The following ATAD1 variants were observed in gnomAD, a reference collection of about 807,000 sequenced individuals.
The protein encoded by ATAD1 is ATPase family AAA domain containing 1, also known as outer mitochondrial transmembrane helix translocase.
In ATAD1, 18 loss-of-function variants were observed where a neutral mutation model predicts 42.7. The ratio of observed to expected loss-of-function variants is 0.42; its 90% CI spans 0.29 to 0.63. The LOEUF (loss-of-function observed/expected upper bound fraction) is 0.63, where lower values mean the gene tolerates loss of function less well. Ranked by LOEUF, ATAD1 falls within the 20% of genes least tolerant of loss-of-function variation. ATAD1 has a pLI of 0.19. For missense variants in ATAD1, 294 were observed against 440.4 expected (o/e 0.67, Z 2.98); for synonymous variants, 132 against 143.1 (o/e 0.92, Z 0.55).
At position 87,756,837 on chromosome 10, in the gene ATAD1, GC is replaced by G; in HGVS notation, c.916del (p.Ala306LeufsTer38). ...ATATTCTCTAACACAGAGGAGGGCA[GC>G]ATCTCGACACATCTCTTTTAGGTCA... Reference protein sequence around the residue: ...GSDLKEMCRDAALLCVREYVN... With the variant: ...GSDLKEMCRDXALLCVREYVN... On this transcript the variant is annotated frameshift_variant, in exon 9 of 10. Coordinates refer to ENST00000680024, the MANE Select transcript of ATAD1 (RefSeq NM_001321967.2). LOFTEE classifies it high-confidence loss of function. 6.2e-7 allele frequency: 1 copy of G among 1,612,568 alleles called. No homozygotes were observed. The highest frequency in any genetic ancestry group is 8.5e-7 in the Non-Finnish European group (1 of 1,179,282).
chr10:87,800,633 G>T (rs947713690), intron 2 of ATAD1, among the ~76,000 whole-genome samples: 1 of 151,994 alleles, frequency 6.6e-6, no homozygotes, highest in African/African-American at 2.4e-5. Context: ...TTTAATTAAG[G>T]TTATTAACAT....
intron 1 of ATAD1, among the ~76,000 whole-genome samples, chr10:87,825,879 T>C (rs1165252826): frequency 6.6e-6 from 1 of 151,902 alleles, no homozygotes; most frequent in Non-Finnish European, 1.5e-5. Context: ...GTACAACACA[T>C]TTTTTTGTTT....
rs75124599 is a variant in ATAD1, at chr10:87,799,394, C to T, written c.163-6639G>A. Among the ~76,000 whole-genome samples, 531 of 152,312 alleles carry T rather than the reference C, an allele frequency of 3.5e-3. 1 individual carries two copies. Among genetic ancestry groups the T allele is most frequent in the African/African-American group, 0.012 (510 of 41,568 alleles). ...TAGTAAGATTATCATAACTTCTAAT[C>T]TTGTGGCTTTAGGCAGTCTAGACCA... On this transcript the variant is annotated intron_variant, in intron 2 of 9. Coordinates refer to ENST00000680024, the MANE Select transcript of ATAD1 (RefSeq NM_001321967.2).
rs1232486996 is a variant in ATAD1, at chr10:87,752,005, A to G, written c.*2682T>C. ...GCTTGAGACATCCTCATCTAGCATTAAACCTGTAAGTTACAGCTACTAAAT... is the reference window on the plus strand; with the variant it reads ...GCTTGAGACATCCTCATCTAGCATTGAACCTGTAAGTTACAGCTACTAAAT... On this transcript the variant is annotated 3_prime_UTR_variant, in exon 10 of 10. Coordinates refer to ENST00000680024, the MANE Select transcript of ATAD1 (RefSeq NM_001321967.2). 1 of 152,172 alleles carries G rather than the reference A, an allele frequency of 6.6e-6. No individual in the cohort carries two copies. Among genetic ancestry groups the G allele is most frequent in the African/African-American group, 2.4e-5 (1 of 41,442 alleles). 9.4% of individuals were successfully genotyped at this position (152,172 alleles called of 1,614,324 possible).
chr10:87,772,109 TGTTA>T (rs1855063837), intron 6 of ATAD1, among the ~76,000 whole-genome samples: 1 of 152,184 alleles, frequency 6.6e-6, no homozygotes, highest in East Asian at 1.9e-4. Context: ...ATTTGAAAAA[TGTTA>T]GTTCCACAAC....
chr10:87,818,639 A>G, upstream of ATAD1: 1 of 152,342 alleles, frequency 6.6e-6, no homozygotes, highest in Non-Finnish European at 1.5e-5. Flanking sequence ...TCTGTACTTT[A>G]GCCAAAACGC....
chr10:87,784,552 A>G lies in ATAD1; in HGVS notation c.501T>C (p.Tyr167=), dbSNP rs1445302588. 1.2e-6 allele frequency: 2 copies of G among 1,613,844 alleles called. No individual in the cohort carries two copies. Among genetic ancestry groups the G allele is most frequent in the East Asian group, 4.5e-5 (2 of 44,860 alleles). The change falls in exon 5 of 10, where the codon TAT becomes TAC. Residue 167 remains tyrosine, a synonymous_variant. Coordinates refer to ENST00000680024, the MANE Select transcript of ATAD1 (RefSeq NM_001321967.2). ...CAGCAGCCAATTTCTGAGATTCTCC[A>G]TACCACTTATCGGTCAGTGTCGAAG... ...LQPSTLTDKW[Y]GESQKLAAAV...
rs574174969 is a variant in ATAD1, at chr10:87,752,723, A to T, written c.*1964T>A. The T allele has an allele frequency of 1.3e-5, 2 of 152,288 alleles. No homozygotes were observed. Among genetic ancestry groups the T allele is most frequent in the Non-Finnish European group, 1.5e-5 (1 of 68,022 alleles). 9.4% of individuals were successfully genotyped at this position (152,288 alleles called of 1,614,324 possible). ...CTAAAAGTTATTTAAAAATCAGGAA[A>T]ATAGTTTCCTGAATTACTTTATGGT... On this transcript the variant is annotated 3_prime_UTR_variant, in exon 10 of 10. Coordinates refer to ENST00000680024, the MANE Select transcript of ATAD1 (RefSeq NM_001321967.2).
At chr10:87,762,414 A>G (rs1488899731) in intron 8 of ATAD1, among the ~76,000 whole-genome samples, 1 of 151,976 alleles carries the variant, frequency 6.6e-6, no homozygotes, top group Admixed American at 6.6e-5. Context: ...ACTGGTGTCT[A>G]TCACTGTTAA....
At chr10:87,804,523 C>T (rs1464458999) in intron 2 of ATAD1, among the ~76,000 whole-genome samples, 1 of 152,064 alleles carries the variant, frequency 6.6e-6, no homozygotes, top group East Asian at 1.9e-4. Context: ...GCACCCATTA[C>T]CATGTCCACC....
At chr10:87,831,130 T>C (rs1303905231) in intron 1 of ATAD1, among the ~76,000 whole-genome samples, 1 of 152,208 alleles carries the variant, frequency 6.6e-6, no homozygotes, top group Admixed American at 6.5e-5. Context: ...ATTATAGAGT[T>C]GGGGAGAGGA....
At chr10:87,789,523 C>G (rs929101183) in intron 4 of ATAD1, among the ~76,000 whole-genome samples, 1 of 152,080 alleles carries the variant, frequency 6.6e-6, no homozygotes, top group African/African-American at 2.4e-5. Flanking sequence ...GAGTTCAAGA[C>G]CAGCCTGAGC....
intron 1 of ATAD1, 187 bp from the exon 2 acceptor site, chr10:87,814,799 T>G: frequency 2.8e-6 from 1 of 362,310 alleles, no homozygotes; most frequent in Non-Finnish European, 4.8e-6. Context: ...ACAAATACAT[T>G]TAAAGCTCCT....
intron 4 of ATAD1, among the ~76,000 whole-genome samples, chr10:87,787,395 G>A (rs1157212248): frequency 6.6e-6 from 1 of 152,156 alleles, no homozygotes; most frequent in Non-Finnish European, 1.5e-5. Flanking sequence ...TGAGGCAGGA[G>A]GATAACGAGC....
intron 7 of ATAD1, 89 bp from the exon 8 acceptor site, chr10:87,767,812 A>G: frequency 7.7e-7 from 1 of 1,293,594 alleles, no homozygotes; most frequent in South Asian, 1.3e-5. Flanking sequence ...GTCCCTTCTA[A>G]AGTCTCTCTC....
intron 5 of ATAD1, among the ~76,000 whole-genome samples, chr10:87,780,820 G>T (rs1855528207): frequency 6.6e-6 from 1 of 152,168 alleles, no homozygotes; most frequent in Non-Finnish European, 1.5e-5. Context: ...AAGCCAAGAT[G>T]CTTGGAAGGA....
At chr10:87,797,485 G>A (rs974077822) in intron 2 of ATAD1, among the ~76,000 whole-genome samples, 1 of 152,052 alleles carries the variant, frequency 6.6e-6, no homozygotes, top group Middle Eastern at 3.2e-3. Flanking sequence ...CTAATGACTT[G>A]AACCCATTAA....
At chr10:87,805,994 A>G (rs1027692325) in intron 2 of ATAD1, among the ~76,000 whole-genome samples, 8 of 152,242 alleles carry the variant, frequency 5.3e-5, no homozygotes, top group African/African-American at 1.9e-4. Context: ...TTCTTTGGCT[A>G]TGGTGACTTT....
intron 2 of ATAD1, among the ~76,000 whole-genome samples, chr10:87,808,949 T>C (rs1857053385): frequency 6.6e-6 from 1 of 152,310 alleles, no homozygotes; most frequent in Non-Finnish European, 1.5e-5. Context: ...CTAGAAGAAT[T>C]TGCATAAATT....
Sources: gnomAD v4.1 joint callset for allele counts (sites outside exome capture counted in the v4.1 genomes callset) on GRCh38, gnomAD v4.1.1 for gene constraint, MANE v1.5 for transcripts, NCBI Gene and HGNC (gene_info 2026-07-23, HGNC 2026-07-21) for gene names.